The following SRPK2 variants were observed in gnomAD, a reference collection of about 807,000 sequenced individuals.
SRPK2 encodes SRSF protein kinase 2.
Under a neutral mutation model 90.8 loss-of-function variants are expected in SRPK2, and 21 were observed. The observed-to-expected ratio is 0.23, with a 90% CI of 0.16 to 0.33. The LOEUF (loss-of-function observed/expected upper bound fraction) is 0.33. Among genes scored for constraint, SRPK2 ranks in the 10% least tolerant of loss-of-function variants. SRPK2 has a pLI of 1.00. For synonymous variants in SRPK2, 288 were observed against 311.1 expected, an observed-to-expected ratio of 0.93 and a Z score of 0.78; for missense variants, 620 against 869.0, an observed-to-expected ratio of 0.71 and a Z score of 3.60.
intron 3 of SRPK2, among the ~76,000 whole-genome samples, chr7:105,200,376 C>A (rs1235184291): frequency 1.3e-5 from 2 of 152,052 alleles, no homozygotes; most frequent in Non-Finnish European, 2.9e-5. Flanking sequence ...TCTGAAGGGG[C>A]TCCTAAGAAC....
intron 2 of SRPK2, among the ~76,000 whole-genome samples, chr7:105,266,803 ATTC>A (rs1345825410): frequency 5.5e-4 from 83 of 152,198 alleles, no homozygotes; most frequent in Non-Finnish European, 1.5e-5. Flanking sequence ...TAAACTTCAG[ATTC>A]TTATTTTTCA....
At chr7:105,256,181 C>G (rs1803276413) in intron 2 of SRPK2, among the ~76,000 whole-genome samples, 1 of 152,036 alleles carries the variant, frequency 6.6e-6, no homozygotes, top group Non-Finnish European at 1.5e-5. Flanking sequence ...TTTAAAAATC[C>G]CCTACAATAA....
At position 105,217,419 on chromosome 7, in the gene SRPK2, T is replaced by C. The variant is rs572403078; in HGVS notation, c.72-13634A>G. Among the ~76,000 whole-genome samples the C allele has an allele frequency of 1.5e-4, 23 of 152,310 alleles. No individual in the cohort carries two copies. In the South Asian group the frequency reaches 2.7e-3, roughly 18 times the overall value. On this transcript the variant is annotated intron_variant, in intron 2 of 15. Coordinates refer to ENST00000393651, the MANE Select transcript of SRPK2 (RefSeq NM_182692.3). Reference sequence around the variant, plus strand: ...CTAGCACCCATGAAACCAAATACTATAAATTATTCTCTCTTGCATTCACAG... The same window carrying C: ...CTAGCACCCATGAAACCAAATACTACAAATTATTCTCTCTTGCATTCACAG...
chr7:105,221,560 T>C (rs956852930), intron 2 of SRPK2, among the ~76,000 whole-genome samples: 8 of 152,194 alleles, frequency 5.3e-5, no homozygotes, highest in Non-Finnish European at 1.0e-4. Flanking sequence ...CCATACCTAT[T>C]TGCCAAGGTC....
At chr7:105,359,150 CTTTTTTTTTTT>C (rs35765090) in intron 2 of SRPK2, among the ~76,000 whole-genome samples, 2 of 54,796 alleles carry the variant, frequency 3.6e-5, no homozygotes, top group East Asian at 7.0e-4. Flanking sequence ...CAAACCACAG[CTTTTTTTTTTT>C]TTTTTTTTTT....
chr7:105,249,877 T>G (rs1242201229), intron 2 of SRPK2, among the ~76,000 whole-genome samples: 1 of 152,224 alleles, frequency 6.6e-6, no homozygotes, highest in Non-Finnish European at 1.5e-5. Context: ...AATTCTCAAA[T>G]GTGGAGATTC....
At chr7:105,172,679 G>C (rs907359307) in intron 3 of SRPK2, among the ~76,000 whole-genome samples, 1 of 152,166 alleles carries the variant, frequency 6.6e-6, no homozygotes, top group Non-Finnish European at 1.5e-5. Context: ...TTCACGGCTG[G>C]AAACTAGGTA....
intron 2 of SRPK2, among the ~76,000 whole-genome samples, chr7:105,219,189 A>C (rs1797815344): frequency 6.6e-6 from 1 of 152,088 alleles, no homozygotes; most frequent in Admixed American, 6.5e-5. Flanking sequence ...ACCAGATCAC[A>C]ATCTTTTCCA....
At chr7:105,283,289 T>C (rs1486577441) in intron 2 of SRPK2, among the ~76,000 whole-genome samples, 3 of 152,172 alleles carry the variant, frequency 2.0e-5, no homozygotes, top group Admixed American at 1.3e-4. Flanking sequence ...CCTAGGTATA[T>C]ACCCAAGGGA....
intron 2 of SRPK2, among the ~76,000 whole-genome samples, chr7:105,383,052 AATTTTTTTTTTTT>A (rs1353717074): frequency 2.8e-4 from 29 of 105,318 alleles, no homozygotes; most frequent in East Asian, 6.3e-4. Flanking sequence ...CAAAAGTAAA[AATTTTTTTTTTTT>A]TTTTTTTTTT....
At chr7:105,304,780 T>C (rs993822026) in intron 2 of SRPK2, among the ~76,000 whole-genome samples, 3 of 152,188 alleles carry the variant, frequency 2.0e-5, no homozygotes, top group Non-Finnish European at 2.9e-5. Flanking sequence ...AGATGATATA[T>C]AGACAATCCA....
intron 3 of SRPK2, among the ~76,000 whole-genome samples, chr7:105,181,001 A>G (rs1026014559): frequency 1.3e-5 from 2 of 152,222 alleles, no homozygotes; most frequent in African/African-American, 4.8e-5. Flanking sequence ...TCCAGAATCT[A>G]CACAGAACTT....
chr7:105,286,642 C>A (rs1585538676), intron 2 of SRPK2, among the ~76,000 whole-genome samples: 1 of 152,222 alleles, frequency 6.6e-6, no homozygotes, highest in Non-Finnish European at 1.5e-5. Flanking sequence ...ATAAGCAATT[C>A]TGATGCACAG....
intron 2 of SRPK2, among the ~76,000 whole-genome samples, chr7:105,350,681 C>T (rs1265664585): frequency 6.6e-6 from 1 of 151,988 alleles, no homozygotes; most frequent in Non-Finnish European, 1.5e-5. Context: ...TACGCCAACA[C>T]ACCCAGCTAA....
chr7:105,317,773 CTGT>C (rs1269294409), intron 2 of SRPK2, among the ~76,000 whole-genome samples: 1 of 152,020 alleles, frequency 6.6e-6, no homozygotes, highest in African/African-American at 2.4e-5. Flanking sequence ...CTTTTTGTTG[CTGT>C]TGTTGTTGAG....
chr7:105,143,254 C>T lies in SRPK2; in HGVS notation c.890G>A (p.Arg297His). 6.2e-7 allele frequency: 1 copy of T among 1,614,152 alleles called. No individual in the cohort carries two copies. Among genetic ancestry groups the T allele is most frequent in the Non-Finnish European group, 8.5e-7 (1 of 1,180,036 alleles). Residue 297 changes from arginine to histidine, a missense_variant, in exon 10 of 16, where the codon CGC becomes CAC. Physicochemically the swap from Arg to His is conservative, Grantham distance 29. Transcript: ENST00000393651. Reference sequence around the variant, plus strand: ...CTCCAATTCTTCTATCTCCTGCAGGCGCTTCTCCAATAACTCAGCCTGCCT... The same window carrying T: ...CTCCAATTCTTCTATCTCCTGCAGGTGCTTCTCCAATAACTCAGCCTGCCT... ...QKRQAELLEKRLQEIEELERE... is the reference protein window; with the variant it reads ...QKRQAELLEKHLQEIEELERE...
At chr7:105,372,854 C>G (rs764609233) in intron 2 of SRPK2, among the ~76,000 whole-genome samples, 22 of 152,062 alleles carry the variant, frequency 1.4e-4, no homozygotes, top group South Asian at 6.2e-4. Context: ...CTTGAGAGGC[C>G]AAGGCCGGTG....
rs34789062 is a variant in SRPK2, at chr7:105,353,503, T to TTTGTTGTTGTTG, written c.71+35133_71+35144dup. 5.3e-3 allele frequency among the ~76,000 whole-genome samples: 774 copies of TTTGTTGTTGTTG among 146,186 alleles called. 23 individuals are homozygous for TTTGTTGTTGTTG. In the East Asian group the frequency reaches 0.077, roughly 15 times the overall value. On this transcript the variant is annotated intron_variant, in intron 2 of 15. Coordinates refer to ENST00000393651, the MANE Select transcript of SRPK2 (RefSeq NM_182692.3). ...TACAGGAGCGTGCCATCCAGCCCAG[T>TTTGTTGTTGTTG]TTGTTGTTGTTGTTGTTGTTGTTGT...
Position 105,368,840 on chromosome 7 carries a change from G to A in SRPK2, c.71+19808C>T, listed in dbSNP as rs1225314595. Among the ~76,000 whole-genome samples, 16 of 147,244 alleles carry A rather than the reference G, an allele frequency of 1.1e-4. 1 individual carries two copies. The highest frequency in any genetic ancestry group is 1.0e-3 in the Admixed American group (15 of 14,386). On this transcript the variant is annotated intron_variant, in intron 2 of 15. Coordinates refer to ENST00000393651, the MANE Select transcript of SRPK2 (RefSeq NM_182692.3). ...GCAGAGGTAGGAGTGAGCTGAGATC[G>A]TGCCACTGCACTCCAACCTAGGTGA... is the stretch of plus-strand genomic sequence containing the variant.
Sources: allele counts gnomAD v4.1 joint callset (sites outside exome capture counted in the v4.1 genomes callset), GRCh38; gene constraint gnomAD v4.1.1; transcripts MANE v1.5; gene names NCBI Gene and HGNC (gene_info 2026-07-23, HGNC 2026-07-21).